Variants in SORL1 observed in about 807,000 individuals in gnomAD.
SORL1 encodes the protein sortilin related receptor 1.
In SORL1, 127 loss-of-function variants were observed where a neutral mutation model predicts 273.7. The ratio of observed to expected loss-of-function variants is 0.46; its 90% CI spans 0.40 to 0.54. SORL1 has a LOEUF of 0.54. Among genes scored for constraint, SORL1 ranks in the 20% least tolerant of loss-of-function variants. The probability of loss-of-function intolerance (pLI) is 0.00; values close to 1 mark genes in which losing one functional copy is unlikely to be tolerated. For synonymous variants in SORL1, 1,031 were observed against 1,067.4 expected, an observed-to-expected ratio of 0.97 and a Z score of 0.66; for missense variants, 2,494 against 2,846.1, an observed-to-expected ratio of 0.88 and a Z score of 2.81.
chr11:121,575,459 T>C (rs1255564817), intron 24 of SORL1, among the ~76,000 whole-genome samples: 1 of 152,252 alleles, frequency 6.6e-6, no homozygotes, highest in Non-Finnish European at 1.5e-5. Flanking sequence ...TCTCTCCCTG[T>C]CCACGGGGGG....
At chr11:121,528,134 A>G (rs1301656434) in intron 11 of SORL1, among the ~76,000 whole-genome samples, 1 of 152,108 alleles carries the variant, frequency 6.6e-6, no homozygotes, top group African/African-American at 2.4e-5. Context: ...ATATGTTTTT[A>G]GTGTTTTTAA....
chr11:121,604,026 G>A (rs1185904498), intron 32 of SORL1, among the ~76,000 whole-genome samples, 167 bp from the exon 33 acceptor site: 1 of 152,266 alleles, frequency 6.6e-6, no homozygotes, highest in African/African-American at 2.4e-5. Context: ...AATGTTAGAT[G>A]AGATGGCACC....
At chr11:121,473,626 G>C (rs1861208589) in intron 2 of SORL1, among the ~76,000 whole-genome samples, 1 of 152,230 alleles carries the variant, frequency 6.6e-6, no homozygotes, top group Non-Finnish European at 1.5e-5. Flanking sequence ...GGTGAGGAGT[G>C]GCTCATGCCT....
At chr11:121,504,809 G>A (rs1861763284) in intron 6 of SORL1, among the ~76,000 whole-genome samples, 1 of 152,102 alleles carries the variant, frequency 6.6e-6, no homozygotes, top group African/African-American at 2.4e-5. Context: ...TATTAAGTAT[G>A]ATTTTTAACT....
chr11:121,508,465 T>C (rs573688701), intron 6 of SORL1, among the ~76,000 whole-genome samples: 51 of 152,366 alleles, frequency 3.3e-4, no homozygotes, highest in African/African-American at 1.1e-3. Flanking sequence ...TTATTCACTA[T>C]TTTCAGTAAA....
intron 1 of SORL1, among the ~76,000 whole-genome samples, chr11:121,461,003 A>G (rs1244819206): frequency 6.6e-6 from 1 of 152,076 alleles, no homozygotes; most frequent in Non-Finnish European, 1.5e-5. Context: ...GGAGCCCGAG[A>G]TGGCAGGGAG....
intron 6 of SORL1, among the ~76,000 whole-genome samples, chr11:121,498,652 G>A (rs1188797355): frequency 6.6e-6 from 1 of 152,110 alleles, no homozygotes; most frequent in Non-Finnish European, 1.5e-5. Flanking sequence ...GAGGTGGGTG[G>A]ATCACTTGAG....
chr11:121,591,178 C>G (rs755070312), intron 31 of SORL1, 22 bp downstream of exon 31: 1 of 1,613,600 alleles, frequency 6.2e-7, no homozygotes, highest in Non-Finnish European at 8.5e-7. Flanking sequence ...CCCAGGTCCT[C>G]TCCTGTGGTA....
chr11:121,555,992 G>A (rs1454692908), intron 18 of SORL1, among the ~76,000 whole-genome samples: 1 of 152,172 alleles, frequency 6.6e-6, no homozygotes, highest in Non-Finnish European at 1.5e-5. Flanking sequence ...GATGCAGAGG[G>A]CTAAGAGGAG....
intron 3 of SORL1, among the ~76,000 whole-genome samples, chr11:121,486,584 A>G (rs980165119): frequency 1.4e-5 from 2 of 148,012 alleles, no homozygotes; most frequent in African/African-American, 5.0e-5. Context: ...GGTTCACGCC[A>G]TTCTCCTGCC....
intron 11 of SORL1, among the ~76,000 whole-genome samples, chr11:121,527,332 T>C (rs1335626193): frequency 6.6e-6 from 1 of 152,150 alleles, no homozygotes; most frequent in East Asian, 1.9e-4. Context: ...CAACCTGGAA[T>C]TACTAGGACA....
At chr11:121,523,276 A>G (rs1249512643) in intron 11 of SORL1, among the ~76,000 whole-genome samples, 6 of 152,202 alleles carry the variant, frequency 3.9e-5, no homozygotes, top group Non-Finnish European at 8.8e-5. Context: ...CTTTATCCTT[A>G]GGACCTAAGA....
At chr11:121,456,426 C>T (rs1460857948) in intron 1 of SORL1, among the ~76,000 whole-genome samples, 1 of 152,038 alleles carries the variant, frequency 6.6e-6, no homozygotes, top group Non-Finnish European at 1.5e-5. Flanking sequence ...AGAAGAGAGG[C>T]CCAGAGGGTA....
At chr11:121,458,057 G>C (rs143813545) in intron 1 of SORL1, among the ~76,000 whole-genome samples, 3 of 152,204 alleles carry the variant, frequency 2.0e-5, no homozygotes, top group Non-Finnish European at 4.4e-5. Context: ...AGCCAGCTTT[G>C]TTCCACCCAC....
chr11:121,603,530 A>G (rs17125523), intron 32 of SORL1, among the ~76,000 whole-genome samples: 6,442 of 152,286 alleles, frequency 0.042, 240 homozygotes, highest in East Asian at 0.21. Context: ...AGCACATCAC[A>G]TTTTGGTCAA....
intron 12 of SORL1, among the ~76,000 whole-genome samples, chr11:121,538,272 T>G (rs546804403): frequency 1.3e-5 from 2 of 152,012 alleles, no homozygotes; most frequent in African/African-American, 4.8e-5. Flanking sequence ...GAAGGGTGCA[T>G]GTCAAGATGT....
At chr11:121,467,030 C>CTTTTTTTTT (rs58596501) in intron 1 of SORL1, among the ~76,000 whole-genome samples, 31 of 125,268 alleles carry the variant, frequency 2.5e-4, no homozygotes, top group African/African-American at 2.8e-4. Context: ...TTCTTTTTTT[C>CTTTTTTTTT]TTTTTTTTTT....
At chr11:121,457,839 A>G (rs1860932153) in intron 1 of SORL1, among the ~76,000 whole-genome samples, 3 of 152,238 alleles carry the variant, frequency 2.0e-5, no homozygotes, top group Admixed American at 6.5e-5. Flanking sequence ...TGTTTTCTCT[A>G]TGTTCTGTAA....
chr11:121,626,295 C>T (rs184009520), intron 46 of SORL1: 1 of 152,330 alleles, frequency 6.6e-6, no homozygotes, highest in Admixed American at 6.5e-5. Context: ...TTCACCTTCC[C>T]CTTGGAAGTG....
Sources: gnomAD v4.1 joint callset for allele counts (sites outside exome capture counted in the v4.1 genomes callset) on GRCh38, gnomAD v4.1.1 for gene constraint, MANE v1.5 for transcripts, NCBI Gene and HGNC (gene_info 2026-07-23, HGNC 2026-07-21) for gene names.